Variants in PDE7B observed in about 807,000 individuals in gnomAD.
PDE7B encodes the protein 3',5'-cyclic-AMP phosphodiesterase 7B.
PDE7B carries 29 observed loss-of-function variants against 56.2 expected under a neutral mutation model. The observed-to-expected ratio is 0.52, with a 90% confidence interval of 0.38 to 0.70. The LOEUF (loss-of-function observed/expected upper bound fraction) is 0.70. Among genes scored for constraint, PDE7B ranks in the 30% least tolerant of loss-of-function variants. PDE7B has a pLI of 0.00. For missense variants in PDE7B, 490 were observed against 565.0 expected (o/e 0.87, Z 1.35); for synonymous variants, 197 against 196.9 (o/e 1.00, Z 0.00).
intron 6 of PDE7B, among the ~76,000 whole-genome samples, chr6:136,153,377 G>A (rs1288695245): frequency 1.3e-5 from 2 of 152,124 alleles, no homozygotes; most frequent in Non-Finnish European, 2.9e-5. Flanking sequence ...CCTAAGCATC[G>A]CCTTGGTTAT....
intron 3 of PDE7B, among the ~76,000 whole-genome samples, chr6:136,112,271 C>T (rs929400499): frequency 3.3e-5 from 5 of 152,156 alleles, no homozygotes; most frequent in African/African-American, 9.7e-5. Flanking sequence ...AGTTTCTAGG[C>T]GTTAAAATGG....
At chr6:135,868,431 CT>C (rs562195190) in intron 1 of PDE7B, among the ~76,000 whole-genome samples, 13,023 of 146,190 alleles carry the variant, frequency 0.089, 1,321 homozygotes, top group African/African-American at 0.25. Flanking sequence ...GGGAGATAAA[CT>C]TTTTTTTTTT....
At chr6:135,921,861 C>T (rs941630523) in intron 1 of PDE7B, among the ~76,000 whole-genome samples, 5 of 151,964 alleles carry the variant, frequency 3.3e-5, no homozygotes, top group African/African-American at 1.2e-4. Flanking sequence ...AAAAATACCC[C>T]TTATACTTTC....
At chr6:136,102,200 A>C (rs1266035636) in intron 2 of PDE7B, among the ~76,000 whole-genome samples, 1 of 151,988 alleles carries the variant, frequency 6.6e-6, no homozygotes, top group Non-Finnish European at 1.5e-5. Flanking sequence ...CATACACATA[A>C]AGCCCTTCAA....
At chr6:135,892,432 G>C (rs73775603) in intron 1 of PDE7B, among the ~76,000 whole-genome samples, 3 of 152,130 alleles carry the variant, frequency 2.0e-5, no homozygotes, top group Admixed American at 2.0e-4. Flanking sequence ...GCATCAAAAA[G>C]TTATTTGATC....
chr6:136,009,490 C>T (rs201729957), intron 2 of PDE7B, among the ~76,000 whole-genome samples: 11 of 151,978 alleles, frequency 7.2e-5, no homozygotes, highest in East Asian at 1.9e-4. Flanking sequence ...TTCCATTTGT[C>T]TGTATCCTCT....
In PDE7B at chr6:135,862,596, T is replaced by A. The variant is rs186801356; in HGVS notation, c.21+10577T>A. 3.0e-4 allele frequency among the ~76,000 whole-genome samples: 45 copies of A among 152,050 alleles called. 1 individual carries two copies. Among genetic ancestry groups the A allele is most frequent in the South Asian group, 1.7e-3 (8 of 4,830 alleles). ...ACAGTTTTGTAAGTTTATATTATTT[T>A]TTTTCCTCAAATATTTGATAGAAAT... On this transcript the variant is annotated intron_variant, in intron 1 of 12. Transcript: ENST00000308191.
At chr6:136,096,245 C>T (rs995792256) in intron 2 of PDE7B, 7 of 152,164 alleles carry the variant, frequency 4.6e-5, no homozygotes, top group African/African-American at 1.7e-4. Flanking sequence ...ATTTCCTATC[C>T]GTGATCAGCA....
chr6:135,855,686 T>A (rs1282395985), intron 1 of PDE7B, among the ~76,000 whole-genome samples: 1 of 152,216 alleles, frequency 6.6e-6, no homozygotes, highest in Non-Finnish European at 1.5e-5. Flanking sequence ...TACATTGGCG[T>A]CCTCTTCATC....
chr6:136,145,750 T>A (rs1035783581), intron 3 of PDE7B, among the ~76,000 whole-genome samples: 3 of 152,180 alleles, frequency 2.0e-5, no homozygotes, highest in Non-Finnish European at 4.4e-5. Flanking sequence ...TTCCCAGTCC[T>A]CTTTAATTTT....
At chr6:136,107,016 C>T (rs1321576856) in intron 2 of PDE7B, among the ~76,000 whole-genome samples, 1 of 152,112 alleles carries the variant, frequency 6.6e-6, no homozygotes, top group Non-Finnish European at 1.5e-5. Flanking sequence ...AATGTAATAT[C>T]ACATTATACA....
At chr6:136,099,971 C>T (rs972304480) in intron 2 of PDE7B, among the ~76,000 whole-genome samples, 3 of 152,102 alleles carry the variant, frequency 2.0e-5, no homozygotes, top group African/African-American at 7.2e-5. Context: ...GGAAGGGATC[C>T]AGTTTCAGCT....
At chr6:136,038,354 G>A in intron 2 of PDE7B, 1 of 1,292,078 alleles carries the variant, frequency 7.7e-7, no homozygotes, top group African/African-American at 1.5e-5. Flanking sequence ...AGGCCCAGAA[G>A]GTGTGCTGCC....
chr6:135,942,516 C>A (rs954279221), intron 1 of PDE7B, among the ~76,000 whole-genome samples: 1 of 152,124 alleles, frequency 6.6e-6, no homozygotes, highest in African/African-American at 2.4e-5. Context: ...AATCTACTCT[C>A]TTAGCAATTT....
chr6:136,086,171 T>C (rs2128215636), intron 2 of PDE7B, among the ~76,000 whole-genome samples: 1 of 152,300 alleles, frequency 6.6e-6, no homozygotes. Flanking sequence ...GTAGTTGGAT[T>C]GCGTGTCTGG....
chr6:135,895,052 TAG>T (rs897736429), intron 1 of PDE7B, among the ~76,000 whole-genome samples: 1 of 151,924 alleles, frequency 6.6e-6, no homozygotes, highest in Non-Finnish European at 1.5e-5. Context: ...TTTCTATAAA[TAG>T]AGTTATATAT....
Position 136,187,048 on chromosome 6 carries a change from A to G in PDE7B, c.1058A>G (p.Gln353Arg), listed in dbSNP as rs762430600. 6.4e-7 allele frequency: 1 copy of G among 1,565,848 alleles called. No individual in the cohort carries two copies. The highest frequency in any genetic ancestry group is 8.8e-7 in the Non-Finnish European group (1 of 1,137,696). The change falls in exon 12 of 13, where the codon CAG becomes CGG. Residue 353 changes from glutamine to arginine, a missense_variant. Physicochemically the swap from Gln to Arg is conservative, Grantham distance 43. Coordinates refer to ENST00000308191, the MANE Select transcript of PDE7B (RefSeq NM_018945.4). Reference protein sequence around the residue: ...EEFYRQGELEQKFELEISPLC... With the variant: ...EEFYRQGELERKFELEISPLC... Reference sequence around the variant, plus strand: ...TCTTTCTTCTTAGGTGAACTTGAACAGAAATTTGAACTGGAAATCAGTCCT... The same window carrying G: ...TCTTTCTTCTTAGGTGAACTTGAACGGAAATTTGAACTGGAAATCAGTCCT...
chr6:135,984,816 G>C (rs994963540), intron 2 of PDE7B, among the ~76,000 whole-genome samples: 1 of 152,090 alleles, frequency 6.6e-6, no homozygotes, highest in African/African-American at 2.4e-5. Context: ...ACTGAGATCA[G>C]GTGGGGGACG....
At chr6:135,857,466 G>C (rs569346466) in intron 1 of PDE7B, among the ~76,000 whole-genome samples, 1 of 152,004 alleles carries the variant, frequency 6.6e-6, no homozygotes, top group African/African-American at 2.4e-5. Flanking sequence ...TTGTTCTGGC[G>C]TGGGGGTGGG....
Sources: allele counts gnomAD v4.1 joint callset (sites outside exome capture counted in the v4.1 genomes callset), GRCh38; gene constraint gnomAD v4.1.1; transcripts MANE v1.5; gene names NCBI Gene and HGNC (gene_info 2026-07-23, HGNC 2026-07-21).